The following NBEAL1 variants were observed in gnomAD, a reference collection of about 807,000 sequenced individuals.
The protein encoded by NBEAL1 is neurobeachin like 1.
A neutral mutation model predicts 351.3 loss-of-function variants in NBEAL1; 273 were observed. That is an observed-to-expected ratio of 0.78 (90% CI 0.70 to 0.86). The LOEUF is 0.86. Among genes scored for constraint, NBEAL1 ranks in the 40% least tolerant of loss-of-function variants. The pLI is 0.00. For missense variants in NBEAL1, 2,961 were observed against 3,201.3 expected (o/e 0.92, Z 1.81); for synonymous variants, 1,050 against 1,086.4 (o/e 0.97, Z 0.66).
intron 16 of NBEAL1, among the ~76,000 whole-genome samples, chr2:203,112,321 A>T (rs2062592297): frequency 6.6e-6 from 1 of 152,246 alleles, no homozygotes; most frequent in Non-Finnish European, 1.5e-5. Context: ...GGAAGAAACA[A>T]AGGCTTAGAA....
In NBEAL1 at chr2:203,056,596, T is replaced by G. The variant is rs1451548284; in HGVS notation, c.387+88T>G. 9 of 793,542 alleles carry G rather than the reference T, an allele frequency of 1.1e-5. No homozygotes were observed. In the African/African-American group the frequency reaches 1.6e-4, roughly 14 times the overall value. The allele number at this position is 793,542 out of a possible 1,614,324, so 49.2% of individuals were successfully genotyped here. A position where few individuals can be genotyped will look rare whatever the true frequency, so the allele number is the denominator to read the frequency against. On this transcript the variant is annotated intron_variant, in intron 5 of 55. Coordinates refer to ENST00000683969, the MANE Select transcript of NBEAL1 (RefSeq NM_001378026.1). ...GTTTGTTTGTTTTGAGATGGAGTTT[T>G]GCTCTTGTTGCCCAGGCTGGAGTGC...
At chr2:203,099,568 TA>T in intron 11 of NBEAL1, 60 bp from the exon 12 acceptor site, 1 of 1,106,724 alleles carries the variant, frequency 9.0e-7, no homozygotes, top group Non-Finnish European at 1.3e-6. Flanking sequence ...AAAGGTTTCC[TA>T]ACTCAATAAA....
chr2:203,136,253 G>A lies in NBEAL1; in HGVS notation c.4389+1G>A, dbSNP rs1227787231. 4 of 1,548,690 alleles carry A rather than the reference G, an allele frequency of 2.6e-6. No individual in the cohort carries two copies. The highest frequency in any genetic ancestry group is 3.5e-6 in the Non-Finnish European group (4 of 1,152,322). Reference sequence around the variant, plus strand: ...CTTCTCTTTACTTGAAAGCCAAGAGGTAAAATTGCTTATTTTTCCAAATGT... The same window carrying A: ...CTTCTCTTTACTTGAAAGCCAAGAGATAAAATTGCTTATTTTTCCAAATGT... On this transcript the variant is annotated splice_donor_variant, in intron 28 of 55. Transcript: ENST00000683969. LOFTEE classifies it high-confidence loss of function.
intron 6 of NBEAL1, among the ~76,000 whole-genome samples, chr2:203,067,118 C>A (rs536347785): frequency 2.0e-4 from 30 of 152,324 alleles, no homozygotes; most frequent in African/African-American, 6.3e-4. Context: ...CCAGGCGGGG[C>A]GGCCAAAATT....
intron 3 of NBEAL1, among the ~76,000 whole-genome samples, chr2:203,042,129 T>C (rs2061152609): frequency 6.6e-6 from 1 of 152,182 alleles, no homozygotes; most frequent in Non-Finnish European, 1.5e-5. Context: ...ATCCCACAAG[T>C]AAAGGGCAAA....
intron 29 of NBEAL1, among the ~76,000 whole-genome samples, 171 bp from the exon 30 acceptor site, chr2:203,137,990 CA>C (rs112429768): frequency 0.61 from 87,574 of 143,556 alleles, 26,860 homozygotes; most frequent in Middle Eastern, 0.79. Context: ...CACTCCGTCT[CA>C]AAAAAAAAAA....
chr2:203,023,840 AG>A (rs1407489478), intron 2 of NBEAL1, among the ~76,000 whole-genome samples: 3 of 152,304 alleles, frequency 2.0e-5, no homozygotes, highest in East Asian at 3.9e-4. Flanking sequence ...TATGAGAATA[AG>A]AAGAGAAGAA....
intron 7 of NBEAL1, among the ~76,000 whole-genome samples, chr2:203,069,927 T>G (rs2106129942): frequency 6.6e-6 from 1 of 152,316 alleles, no homozygotes; most frequent in African/African-American, 2.4e-5. Flanking sequence ...CTCCAGGTAT[T>G]GAGATTACAG....
rs1177952161 is a variant in NBEAL1 at position 203,023,379 on chromosome 2, C to G, written c.51+6944C>G. On this transcript the variant is annotated intron_variant, in intron 2 of 55. Transcript: ENST00000683969. ...GACAGCCTAGTACTAGTAGTTACCA[C>G]TTACATGTTTATTTTCAGAATTTAG... 3.3e-5 allele frequency among the ~76,000 whole-genome samples: 5 copies of G among 152,302 alleles called. No homozygotes were observed. The East Asian group carries it at 9.6e-4, about 29-fold the overall frequency.
At chr2:203,166,053 GA>G (rs1158363938) in intron 36 of NBEAL1, 95 bp from the exon 37 acceptor site, 18 of 1,196,140 alleles carry the variant, frequency 1.5e-5, no homozygotes, top group South Asian at 1.8e-5. Context: ...TCAAAAAAAA[GA>G]AAAAAAAGAG....
chr2:203,182,663 G>C (rs1013651328), intron 43 of NBEAL1: 1 of 152,102 alleles, frequency 6.6e-6, no homozygotes, highest in Non-Finnish European at 1.5e-5. Context: ...TGATACACTG[G>C]TATTTTAAGG....
chr2:203,064,172 G>C (rs1202217445), intron 6 of NBEAL1, among the ~76,000 whole-genome samples: 1 of 152,044 alleles, frequency 6.6e-6, no homozygotes, highest in Non-Finnish European at 1.5e-5. Context: ...TCCTGCCTCA[G>C]CCTCCCAAGT....
At position 203,175,266 on chromosome 2, in the gene NBEAL1, A is replaced by G. The variant is rs745772486; in HGVS notation, c.6443A>G (p.His2148Arg). Residue 2148 changes from histidine (H) to arginine (R), a missense_variant, in exon 42 of 56, where the codon CAC becomes CGC. Transcript: ENST00000683969. ...CGTGTAGAACCGTTCACCACCCTCC[A>G]CATCCAACTTCAGAGTGGAAGGTAT... ...LIRVEPFTTL[H>R]IQLQSGRFDC... 3 of 1,613,436 alleles carry G rather than the reference A, an allele frequency of 1.9e-6. No individual in the cohort carries two copies. Among genetic ancestry groups the G allele is most frequent in the East Asian group, 2.2e-5 (1 of 44,844 alleles).
At chr2:203,095,191 C>G (rs1043202372) in intron 10 of NBEAL1, among the ~76,000 whole-genome samples, 1 of 152,152 alleles carries the variant, frequency 6.6e-6, no homozygotes, top group Non-Finnish European at 1.5e-5. Context: ...AATTCAAAAC[C>G]ATTACCTAGT....
At chr2:203,133,036 C>CT (rs1340922374) in intron 26 of NBEAL1, 22 bp from the exon 27 acceptor site, 17 of 1,133,284 alleles carry the variant, frequency 1.5e-5, no homozygotes, top group Non-Finnish European at 2.2e-5. Flanking sequence ...TTAATTTTAA[C>CT]TTTTTGTTTT....
chr2:203,064,777 A>G (rs923803778), intron 6 of NBEAL1, among the ~76,000 whole-genome samples: 1 of 152,190 alleles, frequency 6.6e-6, no homozygotes, highest in Non-Finnish European at 1.5e-5. Flanking sequence ...GGGAAATGCT[A>G]CAAAGGATGT....
chr2:203,172,929 C>CAAA, intron 41 of NBEAL1, 76 bp downstream of exon 41: 1 of 1,369,978 alleles, frequency 7.3e-7, no homozygotes, highest in Non-Finnish European at 9.7e-7. Flanking sequence ...TATGGCCAAC[C>CAAA]AAAAAAATTT....
intron 48 of NBEAL1, among the ~76,000 whole-genome samples, chr2:203,198,083 G>A (rs1304940836): frequency 1.5e-5 from 2 of 136,818 alleles, no homozygotes; most frequent in African/African-American, 2.8e-5. Flanking sequence ...GCCAATCACA[G>A]CTCACTGCAG....
intron 3 of NBEAL1, among the ~76,000 whole-genome samples, chr2:203,042,190 G>A (rs941486979): frequency 7.2e-5 from 11 of 152,138 alleles, no homozygotes; most frequent in African/African-American, 1.4e-4. Context: ...ACAAGTCTTC[G>A]GGACCACCCA....
Sources: allele counts gnomAD v4.1 joint callset (sites outside exome capture counted in the v4.1 genomes callset), GRCh38; gene constraint gnomAD v4.1.1; transcripts MANE v1.5; gene names NCBI Gene and HGNC (gene_info 2026-07-23, HGNC 2026-07-21).